Variants in PRPSAP2 observed in about 807,000 individuals in gnomAD.
PRPSAP2 encodes the protein phosphoribosyl pyrophosphate synthetase associated protein 2, also known as phosphoribosyl pyrophosphate synthase-associated protein 2.
A neutral mutation model predicts 40.6 loss-of-function variants in PRPSAP2; 24 were observed. The observed-to-expected ratio is 0.59, with a 90% CI of 0.43 to 0.83. The LOEUF (loss-of-function observed/expected upper bound fraction) is 0.83, where lower values mean the gene tolerates loss of function less well. Ranked by LOEUF, PRPSAP2 falls within the 40% of genes least tolerant of loss-of-function variation. PRPSAP2 has a pLI of 0.00. For synonymous variants in PRPSAP2, 149 were observed against 164.7 expected (o/e 0.90, Z 0.73); for missense variants, 292 against 465.6 (o/e 0.63, Z 3.43).
Position 18,865,852 on chromosome 17 carries a change from C to A in PRPSAP2, c.19C>A (p.Pro7Thr). Residue 7 changes from proline (P) to threonine (T), a missense_variant, in exon 3 of 12, where the codon CCT becomes ACT. By Grantham distance (38) the Pro-to-Thr change is conservative. Around this residue, in one of 2 missense-constraint regions of PRPSAP2, gnomAD observed 51 missense variants for 40.0 expected, o/e 1.28. Transcript: ENST00000268835. Reference sequence around the variant, plus strand: ...GGTTTTGATGTTTTGTGTGACGCCACCTGAATTAGAAACCAAGATGAACAT... The same window carrying A: ...GGTTTTGATGTTTTGTGTGACGCCAACTGAATTAGAAACCAAGATGAACAT... MFCVTP[P>T]ELETKMNITK... 1 of 1,513,404 alleles carries A rather than the reference C, an allele frequency of 6.6e-7. No individual in the cohort carries two copies. The allele number at this position is 1,513,404 out of a possible 1,614,324, so 93.7% of individuals were successfully genotyped here. A position where few individuals can be genotyped will look rare whatever the true frequency, so the allele number is the denominator to read the frequency against.
At position 18,876,592 on chromosome 17, in the gene PRPSAP2, C is replaced by A. The variant is rs921158920; in HGVS notation, c.240-1106C>A. The stretch of plus-strand genomic sequence containing the variant: ...GATTAAAACAGAGAAAGTCCTTGTC[C>A]TTGTGGAGTTTATATTCCAGTGGAG... On this transcript the variant is annotated intron_variant, in intron 5 of 11. Coordinates refer to ENST00000268835, the MANE Select transcript of PRPSAP2 (RefSeq NM_002767.4). 6.6e-5 allele frequency among the ~76,000 whole-genome samples: 10 copies of A among 152,242 alleles called. No individual in the cohort carries two copies. The East Asian group carries it at 1.2e-3, about 18-fold the overall frequency.
intron 8 of PRPSAP2, among the ~76,000 whole-genome samples, chr17:18,900,381 G>A (rs1210286797): frequency 6.6e-6 from 1 of 152,044 alleles, no homozygotes; most frequent in Non-Finnish European, 1.5e-5. Context: ...TAGACTTCTT[G>A]TTTTTTATTT....
intron 8 of PRPSAP2, among the ~76,000 whole-genome samples, chr17:18,909,983 A>G (rs2040857905): frequency 6.6e-6 from 1 of 152,224 alleles, no homozygotes; most frequent in Non-Finnish European, 1.5e-5. Flanking sequence ...GCCAAAAACT[A>G]GAAACAACCG....
rs2038407217 is a variant in PRPSAP2 at position 18,877,717 on chromosome 17, A to G, written c.259A>G (p.Met87Val). ...TTACAGGGACGTGAACACCACCATC[A>G]TGGAGCTCCTGATCATGGTGTATGC... ...TVSKDVNTTI[M>V]ELLIMVYACK... The change falls in exon 6 of 12, where the codon ATG becomes GTG. Residue 87 changes from methionine (M) to valine (V), a missense_variant. Around this residue, in one of 2 missense-constraint regions of PRPSAP2, gnomAD observed 241 missense variants for 425.7 expected, o/e 0.57. Coordinates refer to ENST00000268835, the MANE Select transcript of PRPSAP2 (RefSeq NM_002767.4). The G allele has an allele frequency of 6.2e-7, 1 of 1,609,448 alleles. No homozygotes were observed. The highest frequency in any genetic ancestry group is 8.5e-7 in the Non-Finnish European group (1 of 1,178,752).
intron 4 of PRPSAP2, among the ~76,000 whole-genome samples, chr17:18,871,640 A>G (rs1265573450): frequency 7.2e-6 from 1 of 139,552 alleles, no homozygotes; most frequent in Non-Finnish European, 1.6e-5. Context: ...TGATTGAATG[A>G]GTATATAATT....
intron 5 of PRPSAP2, among the ~76,000 whole-genome samples, chr17:18,874,386 A>G (rs1286547311): frequency 1.3e-5 from 2 of 152,208 alleles, no homozygotes; most frequent in African/African-American, 4.8e-5. Context: ...GTGTATATAC[A>G]TATATAAAAC....
At chr17:18,908,785 A>C (rs915435823) in intron 8 of PRPSAP2, 1 of 688,600 alleles carries the variant, frequency 1.5e-6, no homozygotes, top group South Asian at 1.4e-5. Context: ...AAAAACGATC[A>C]TGCCAAAAAA....
At chr17:18,887,838 CT>C (rs11364727) in intron 7 of PRPSAP2, among the ~76,000 whole-genome samples, 41,561 of 81,726 alleles carry the variant, frequency 0.51, 17,040 homozygotes, top group Non-Finnish European at 0.63. Flanking sequence ...CTTGTTCTTT[CT>C]TTTTTTTTTT....
intron 8 of PRPSAP2, among the ~76,000 whole-genome samples, chr17:18,890,431 A>G (rs1415453660): frequency 6.6e-6 from 1 of 152,266 alleles, no homozygotes; most frequent in East Asian, 1.9e-4. Flanking sequence ...TGGCCTCCCA[A>G]GGTGCTGGGA....
intron 4 of PRPSAP2, among the ~76,000 whole-genome samples, chr17:18,868,094 C>T (rs1213408895): frequency 6.6e-6 from 1 of 152,040 alleles, no homozygotes; most frequent in African/African-American, 2.4e-5. Flanking sequence ...TGTGATCATA[C>T]CACAGAGTGA....
At chr17:18,872,523 G>A in intron 4 of PRPSAP2, 60 bp from the exon 5 acceptor site, 1 of 1,312,254 alleles carries the variant, frequency 7.6e-7, no homozygotes, top group Non-Finnish European at 1.1e-6. Flanking sequence ...ATTTTTTTGT[G>A]TATTTTGAAA....
chr17:18,920,893 G>A (rs549960358), intron 9 of PRPSAP2, among the ~76,000 whole-genome samples: 5 of 152,162 alleles, frequency 3.3e-5, no homozygotes, highest in South Asian at 2.1e-4. Context: ...ATAAAGCTGC[G>A]ATGCATGCTT....
intron 8 of PRPSAP2, among the ~76,000 whole-genome samples, chr17:18,906,796 C>G (rs2040618050): frequency 6.6e-6 from 1 of 152,054 alleles, no homozygotes; most frequent in Non-Finnish European, 1.5e-5. Flanking sequence ...ATCTGCCCGC[C>G]TTAGCCTCCC....
chr17:18,859,766 G>T (rs901372022), intron 1 of PRPSAP2: 2 of 151,582 alleles, frequency 1.3e-5, no homozygotes, highest in African/African-American at 4.8e-5. Flanking sequence ...TATTTTTTTT[G>T]CAGAGTCTTG....
intron 8 of PRPSAP2, chr17:18,908,564 G>A: frequency 1.3e-6 from 1 of 741,520 alleles, no homozygotes. Context: ...GAAGATCTGT[G>A]CTAACCACTC....
At chr17:18,871,653 C>CTTTTT (rs142523345) in intron 4 of PRPSAP2, among the ~76,000 whole-genome samples, 91 of 129,802 alleles carry the variant, frequency 7.0e-4, no homozygotes, top group East Asian at 1.9e-3. Context: ...ATATAATTTT[C>CTTTTT]TTTTTTTTTT....
chr17:18,871,801 T>C (rs2037901616), intron 4 of PRPSAP2, among the ~76,000 whole-genome samples: 2 of 151,986 alleles, frequency 1.3e-5, no homozygotes, highest in Admixed American at 1.3e-4. Context: ...GCTAGGATTA[T>C]AGGCATGCAC....
intron 8 of PRPSAP2, among the ~76,000 whole-genome samples, chr17:18,901,237 G>GC (rs2040248266): frequency 6.6e-6 from 1 of 152,012 alleles, no homozygotes; most frequent in African/African-American, 2.4e-5. Flanking sequence ...TCTTGTCTTT[G>GC]CCCACTGGCA....
intron 9 of PRPSAP2, among the ~76,000 whole-genome samples, chr17:18,917,843 ACTT>A (rs1260095484): frequency 5.9e-5 from 9 of 151,468 alleles, no homozygotes; most frequent in South Asian, 2.1e-4. Flanking sequence ...TGTGGTCTGG[ACTT>A]CTTCTGGTCT....
Sources: allele counts gnomAD v4.1 joint callset (sites outside exome capture counted in the v4.1 genomes callset), GRCh38; gene constraint gnomAD v4.1.1; regional missense constraint gnomAD v4.1.1; transcripts MANE v1.5; gene names NCBI Gene and HGNC (gene_info 2026-07-23, HGNC 2026-07-21).